Variants in SIPA1L1 observed in about 807,000 individuals in gnomAD.
The protein encoded by SIPA1L1 is signal-induced proliferation-associated 1-like protein 1.
A neutral mutation model predicts 162.7 loss-of-function variants in SIPA1L1; 26 were observed. The observed-to-expected ratio is 0.16, with a 90% CI of 0.12 to 0.22. The LOEUF (loss-of-function observed/expected upper bound fraction) is 0.22, where lower values mean the gene tolerates loss of function less well. Ranked by LOEUF, SIPA1L1 falls within the 10% of genes least tolerant of loss-of-function variation. The probability of loss-of-function intolerance (pLI) is 1.00; values close to 1 mark genes in which losing one functional copy is unlikely to be tolerated. For missense variants in SIPA1L1, 1,874 were observed against 2,241.0 expected, an observed-to-expected ratio of 0.84 and a Z score of 3.31; for synonymous variants, 829 against 837.4, an observed-to-expected ratio of 0.99 and a Z score of 0.17.
At chr14:71,643,542 T>G (rs2041907433) in intron 7 of SIPA1L1, among the ~76,000 whole-genome samples, 1 of 152,224 alleles carries the variant, frequency 6.6e-6, no homozygotes, top group Non-Finnish European at 1.5e-5. Context: ...AAAAAAGTTT[T>G]CTAAAATGAA....
chr14:71,571,722 A>G (rs1158111086), intron 4 of SIPA1L1, among the ~76,000 whole-genome samples: 1 of 151,826 alleles, frequency 6.6e-6, no homozygotes, highest in Non-Finnish European at 1.5e-5. Context: ...GCTCACTACA[A>G]GCTCCGCCTC....
chr14:71,676,557 T>C (rs1294754437), intron 12 of SIPA1L1, among the ~76,000 whole-genome samples: 1 of 150,704 alleles, frequency 6.6e-6, no homozygotes, highest in African/African-American at 2.4e-5. Flanking sequence ...ACATGTGCCA[T>C]GTTGGTGTGC....
At chr14:71,578,964 C>G (rs996713756) in intron 4 of SIPA1L1, among the ~76,000 whole-genome samples, 1 of 152,190 alleles carries the variant, frequency 6.6e-6, no homozygotes, top group African/African-American at 2.4e-5. Flanking sequence ...AGAGGAACTG[C>G]TCACCTGGAG....
intron 2 of SIPA1L1, among the ~76,000 whole-genome samples, chr14:71,352,161 A>G (rs2036781948): frequency 1.3e-5 from 2 of 152,088 alleles, no homozygotes; most frequent in African/African-American, 4.8e-5. Context: ...TGCAGAAAGC[A>G]CAAATGTACC....
chr14:71,370,858 A>C (rs906608540), intron 2 of SIPA1L1, among the ~76,000 whole-genome samples: 1 of 152,140 alleles, frequency 6.6e-6, no homozygotes, highest in Non-Finnish European at 1.5e-5. Flanking sequence ...TATGTTATTT[A>C]TATTTGTATA....
intron 2 of SIPA1L1, among the ~76,000 whole-genome samples, chr14:71,422,615 A>G (rs891168614): frequency 1.3e-5 from 2 of 152,216 alleles, no homozygotes; most frequent in African/African-American, 2.4e-5. Context: ...TTCACTTACC[A>G]TAATGTCTGA....
At chr14:71,513,996 A>G (rs2051443053) in intron 3 of SIPA1L1, among the ~76,000 whole-genome samples, 2 of 152,162 alleles carry the variant, frequency 1.3e-5, no homozygotes, top group African/African-American at 4.8e-5. Flanking sequence ...GTCTGCAGCA[A>G]CCTCAATTCT....
chr14:71,483,022 A>G (rs1041035789), intron 2 of SIPA1L1, among the ~76,000 whole-genome samples: 2 of 152,216 alleles, frequency 1.3e-5, no homozygotes, highest in South Asian at 2.1e-4. Flanking sequence ...AGCTAAGCAC[A>G]GATATGATCC....
chr14:71,730,062 C>G lies in SIPA1L1; in HGVS notation c.4622C>G (p.Ala1541Gly), dbSNP rs768232400. 3 of 1,613,700 alleles carry G rather than the reference C, an allele frequency of 1.9e-6. No homozygotes were observed. The African/African-American group carries it at 4.0e-5, about 22-fold the overall frequency. The change falls in exon 20 of 24, where the codon GCA (alanine) becomes GGA (glycine). Residue 1541 changes from alanine to glycine, a missense_variant. By Grantham distance (60) the Ala-to-Gly change is moderately conservative (BLOSUM62 0). Transcript: ENST00000381232. ...CTTGATCCTGTTTTTCAGTTCCACG[C>G]ACTCTCCTCTCCTCAGTCTCCTTTC... ...PESQKSFKFH[A>G]LSSPQSPFPS...
chr14:71,371,923 G>A (rs2038926737), intron 2 of SIPA1L1, among the ~76,000 whole-genome samples: 1 of 152,180 alleles, frequency 6.6e-6, no homozygotes, highest in South Asian at 2.1e-4. Context: ...TCAGGTGATG[G>A]TGTCAGCCTC....
intron 13 of SIPA1L1, among the ~76,000 whole-genome samples, chr14:71,691,824 C>T (rs2081276778): frequency 6.6e-6 from 1 of 152,210 alleles, no homozygotes; most frequent in South Asian, 2.1e-4. Flanking sequence ...AAACACTCTC[C>T]TCCCATTTCT....
intron 4 of SIPA1L1, among the ~76,000 whole-genome samples, chr14:71,543,973 A>ATATACG (rs2054787341): frequency 6.7e-6 from 1 of 150,238 alleles, no homozygotes; most frequent in Non-Finnish European, 1.5e-5. Flanking sequence ...GTATATATAC[A>ATATACG]CACACGCACA....
At chr14:71,707,315 TTC>T (rs2082523675) in intron 16 of SIPA1L1, among the ~76,000 whole-genome samples, 2 of 152,184 alleles carry the variant, frequency 1.3e-5, no homozygotes, top group Admixed American at 1.3e-4. Context: ...ATGGAAAGAG[TTC>T]TATATGTTTT....
At chr14:71,700,810 T>C (rs907268173) in intron 14 of SIPA1L1, among the ~76,000 whole-genome samples, 9 of 151,912 alleles carry the variant, frequency 5.9e-5, no homozygotes, top group Non-Finnish European at 1.0e-4. Context: ...CTGGCTAACA[T>C]GGTGAAACCT....
intron 2 of SIPA1L1, among the ~76,000 whole-genome samples, chr14:71,429,892 TAAAG>T (rs2043854925): frequency 1.3e-5 from 2 of 152,180 alleles, no homozygotes; most frequent in South Asian, 4.1e-4. Context: ...TATTTAGAAA[TAAAG>T]AATTCTGCTG....
At chr14:71,386,856 TG>T in intron 2 of SIPA1L1, among the ~76,000 whole-genome samples, 1 of 152,366 alleles carries the variant, frequency 6.6e-6, no homozygotes, top group African/African-American at 2.4e-5. Flanking sequence ...GATCCAAACT[TG>T]AGTACTTTCT....
chr14:71,614,279 C>T (rs543167017), intron 5 of SIPA1L1, among the ~76,000 whole-genome samples: 2 of 151,184 alleles, frequency 1.3e-5, no homozygotes, highest in Admixed American at 6.6e-5. Flanking sequence ...GAATGAAATG[C>T]TCCTGTACCA....
At chr14:71,526,272 G>A (rs1346780353) in intron 3 of SIPA1L1, among the ~76,000 whole-genome samples, 1 of 152,004 alleles carries the variant, frequency 6.6e-6, no homozygotes. Context: ...GAACATAGTC[G>A]TGAAACTACC....
chr14:71,685,415 G>A lies in SIPA1L1; in HGVS notation c.3158G>A (p.Gly1053Asp), dbSNP rs973030316. Residue 1053 changes from glycine (G) to aspartate (D), a missense_variant, in exon 13 of 24, where the codon GGT (glycine) becomes GAT (aspartate). By Grantham distance (94) the Gly-to-Asp change is moderately conservative. This residue lies in a region of SIPA1L1 where 936 missense variants were observed against 1,051.9 expected (regional missense o/e 0.89). Transcript: ENST00000381232. ...GTGATGGAGTACAAAATGAATGAAGGTGTTTCATACGAATTCAAGTTTCCC... is the reference window on the plus strand; with the variant it reads ...GTGATGGAGTACAAAATGAATGAAGATGTTTCATACGAATTCAAGTTTCCC... ...MPVMEYKMNEGVSYEFKFPFR... is the reference protein window; with the variant it reads ...MPVMEYKMNEDVSYEFKFPFR... The A allele has an allele frequency of 1.2e-6, 2 of 1,614,026 alleles. No individual in the cohort carries two copies. Among genetic ancestry groups the A allele is most frequent in the African/African-American group, 2.7e-5 (2 of 74,912 alleles).
Sources: allele counts gnomAD v4.1 joint callset (sites outside exome capture counted in the v4.1 genomes callset), GRCh38; gene constraint gnomAD v4.1.1; regional missense constraint gnomAD v4.1.1; transcripts MANE v1.5; gene names NCBI Gene and HGNC (gene_info 2026-07-23, HGNC 2026-07-21).